The following PTPRN2 variants were observed in gnomAD, a reference collection of about 807,000 sequenced individuals.
The protein encoded by PTPRN2 is protein tyrosine phosphatase receptor type N2.
PTPRN2 carries 74 observed loss-of-function variants against 118.8 expected under a neutral mutation model. The observed-to-expected ratio is 0.62, with a 90% CI of 0.52 to 0.76. The LOEUF (loss-of-function observed/expected upper bound fraction) is 0.76. Ranked by LOEUF, PTPRN2 falls within the 30% of genes least tolerant of loss-of-function variation. PTPRN2 has a pLI of 0.00. For missense variants in PTPRN2, 1,481 were observed against 1,394.4 expected (o/e 1.06, Z -0.99); for synonymous variants, 641 against 608.0 (o/e 1.05, Z -0.80).
chr7:158,006,482 CGGTGAGTCCCAGCAAG>C (rs1053007198), intron 11 of PTPRN2, among the ~76,000 whole-genome samples: 2 of 152,224 alleles, frequency 1.3e-5, no homozygotes, highest in Non-Finnish European at 2.9e-5. Context: ...TGGACACCTG[CGGTGAGTCCCAGCAAG>C]GGTGAGTCCC....
intron 11 of PTPRN2, among the ~76,000 whole-genome samples, chr7:157,979,296 A>T (rs1219816095): frequency 6.7e-6 from 1 of 148,822 alleles, no homozygotes; most frequent in Admixed American, 6.6e-5. Flanking sequence ...TGAAATTCCC[A>T]ATAGAAAGAC....
chr7:158,323,376 C>T (rs1465565872), intron 2 of PTPRN2, among the ~76,000 whole-genome samples: 3 of 152,192 alleles, frequency 2.0e-5, no homozygotes, highest in Admixed American at 2.0e-4. Context: ...AACCCCTTCA[C>T]TGTGCAGACA....
intron 12 of PTPRN2, among the ~76,000 whole-genome samples, chr7:157,749,869 C>G: frequency 6.8e-6 from 1 of 146,546 alleles, no homozygotes; most frequent in Non-Finnish European, 1.5e-5. Flanking sequence ...ATTCTGAGGC[C>G]TGTGTCCCTG....
chr7:158,559,131 C>T (rs1274326452), intron 1 of PTPRN2, among the ~76,000 whole-genome samples: 1 of 152,208 alleles, frequency 6.6e-6, no homozygotes, highest in Non-Finnish European at 1.5e-5. Flanking sequence ...TCTTCCAGTG[C>T]TTGGAGGAGA....
Position 158,566,645 on chromosome 7 carries a change from A to G in PTPRN2, c.112+20913T>C, listed in dbSNP as rs73512214. Among the ~76,000 whole-genome samples, 1,255 of 152,250 alleles carry G rather than the reference A, an allele frequency of 8.2e-3. 19 individuals are homozygous for G. Among genetic ancestry groups the G allele is most frequent in the African/African-American group, 0.028 (1,163 of 41,532 alleles). ...CATCCTGGATCTTGTTAGAGATGCT[A>G]TTTTTGCTGTTGGCCACCCTTCGCG... is the stretch of plus-strand genomic sequence containing the variant. On this transcript the variant is annotated intron_variant, in intron 1 of 22. Coordinates refer to ENST00000389418, the MANE Select transcript of PTPRN2 (RefSeq NM_002847.5).
At position 157,671,247 on chromosome 7, in the gene PTPRN2, G is replaced by T. The variant is rs564068093; in HGVS notation, c.2001+11478C>A. 6.6e-6 allele frequency among the ~76,000 whole-genome samples: 1 copy of T among 152,326 alleles called. No homozygotes were observed. Among genetic ancestry groups the T allele is most frequent in the Non-Finnish European group, 1.5e-5 (1 of 68,032 alleles). On this transcript the variant is annotated intron_variant, in intron 13 of 22. Transcript: ENST00000389418. The surrounding 1 kb of genome is among the most constrained non-coding windows in gnomAD (Gnocchi z 4.1). Reference sequence around the variant, plus strand: ...ACAGACCTGGCCTTTGGGAAGCCAAGGCTGTCCCCACACGGGCTGGTCTGG... The same window carrying T: ...ACAGACCTGGCCTTTGGGAAGCCAATGCTGTCCCCACACGGGCTGGTCTGG...
intron 3 of PTPRN2, among the ~76,000 whole-genome samples, chr7:158,270,427 A>G (rs1169863178): frequency 6.6e-6 from 1 of 152,096 alleles, no homozygotes; most frequent in Non-Finnish European, 1.5e-5. Context: ...AACAAGGTGC[A>G]AGCTGCTACC....
At chr7:157,811,332 T>TTATATATATATATGTA (rs1554455383) in intron 12 of PTPRN2, among the ~76,000 whole-genome samples, 1 of 131,296 alleles carries the variant, frequency 7.6e-6, no homozygotes, top group Non-Finnish European at 1.6e-5. Context: ...ATCTACTCTA[T>TTATATATATATATGTA]TATATATATA....
chr7:158,504,477 C>T (rs140210193), intron 1 of PTPRN2, among the ~76,000 whole-genome samples: 2,136 of 152,264 alleles, frequency 0.014, 24 homozygotes, highest in Non-Finnish European at 0.021. Context: ...TGTTAGTTTG[C>T]CGAGGATAAC....
At chr7:157,950,399 TG>T (rs1196571293) in intron 11 of PTPRN2, among the ~76,000 whole-genome samples, 1 of 152,158 alleles carries the variant, frequency 6.6e-6, no homozygotes, top group African/African-American at 2.4e-5. Context: ...TGTTGGTATT[TG>T]GGTGGGTCGA....
intron 3 of PTPRN2, among the ~76,000 whole-genome samples, chr7:158,283,321 G>C (rs1044274836): frequency 6.6e-6 from 1 of 152,196 alleles, no homozygotes; most frequent in Non-Finnish European, 1.5e-5. Flanking sequence ...CAAGAGGAGA[G>C]GGAGCAGTGA....
chr7:157,928,755 A>G, intron 11 of PTPRN2, among the ~76,000 whole-genome samples: 1 of 145,172 alleles, frequency 6.9e-6, no homozygotes, highest in Non-Finnish European at 1.5e-5. Flanking sequence ...AGGGTGGGAG[A>G]TAGGGATGGG....
chr7:158,263,843 A>T (rs542482975), intron 3 of PTPRN2, among the ~76,000 whole-genome samples: 1 of 152,282 alleles, frequency 6.6e-6, no homozygotes, highest in South Asian at 2.1e-4. Flanking sequence ...ATGTGAAAGC[A>T]AGGCTGCAAT....
At chr7:157,933,044 C>G (rs866169581) in intron 11 of PTPRN2, among the ~76,000 whole-genome samples, 1 of 112,834 alleles carries the variant, frequency 8.9e-6, no homozygotes, top group South Asian at 3.2e-4. Flanking sequence ...GTTTTAGTGG[C>G]GGGGTGAGTC....
In PTPRN2 at chr7:157,953,284, T is replaced by A. The variant is rs1800952007; in HGVS notation, c.1724-54547A>T. Among the ~76,000 whole-genome samples the A allele has an allele frequency of 6.6e-6, 1 of 152,174 alleles. No individual in the cohort carries two copies. Among genetic ancestry groups the A allele is most frequent in the Non-Finnish European group, 1.5e-5 (1 of 68,016 alleles). On this transcript the variant is annotated intron_variant, in intron 11 of 22. Coordinates refer to ENST00000389418, the MANE Select transcript of PTPRN2 (RefSeq NM_002847.5). The surrounding 1 kb of genome is among the most constrained non-coding windows in gnomAD (Gnocchi z 4.6). ...GGAGAGCCGGGTGTGAGAAGCCTCC[T>A]TCCTAGGGCCTGTGTCTCTGGAGTG...
chr7:158,051,893 G>A (rs2128897051), intron 11 of PTPRN2, among the ~76,000 whole-genome samples: 1 of 152,308 alleles, frequency 6.6e-6, no homozygotes, highest in South Asian at 2.1e-4. Flanking sequence ...CAAAAGCTAA[G>A]ATTTAAATGT....
intron 12 of PTPRN2, among the ~76,000 whole-genome samples, chr7:157,896,622 C>G (rs1193990214): frequency 7.7e-6 from 1 of 129,068 alleles, no homozygotes; most frequent in South Asian, 2.6e-4. Flanking sequence ...GGTGCTGTCC[C>G]CCAGGCTCAC....
At chr7:158,284,822 T>G (rs911688082) in intron 3 of PTPRN2, among the ~76,000 whole-genome samples, 4 of 152,218 alleles carry the variant, frequency 2.6e-5, no homozygotes, top group Admixed American at 2.6e-4. Context: ...ACTACATATG[T>G]GTATCTACCA....
At chr7:158,384,429 G>T (rs960159336) in intron 2 of PTPRN2, among the ~76,000 whole-genome samples, 1 of 150,150 alleles carries the variant, frequency 6.7e-6, no homozygotes, top group Admixed American at 6.5e-5. Context: ...TTTTCCCGCT[G>T]ATCTCAGTGA....
Sources: allele counts gnomAD v4.1 joint callset (sites outside exome capture counted in the v4.1 genomes callset), GRCh38; gene constraint gnomAD v4.1.1; non-coding constraint Gnocchi (gnomAD v3.1); transcripts MANE v1.5; gene names NCBI Gene and HGNC (gene_info 2026-07-23, HGNC 2026-07-21).